The following VPS13B variants were observed in gnomAD, a reference collection of about 807,000 sequenced individuals.
VPS13B encodes intermembrane lipid transfer protein VPS13B.
A neutral mutation model predicts 426.4 loss-of-function variants in VPS13B; 285 were observed. That is an observed-to-expected ratio of 0.67 (90% confidence interval 0.61 to 0.74). The LOEUF (loss-of-function observed/expected upper bound fraction) is 0.74, where lower values mean the gene tolerates loss of function less well. Among genes scored for constraint, VPS13B ranks in the 30% least tolerant of loss-of-function variants. The pLI is 0.00. For missense variants in VPS13B, 4,537 were observed against 4,782.6 expected (o/e 0.95, Z 1.51); for synonymous variants, 1,676 against 1,676.4 (o/e 1.00, Z 0.01).
In VPS13B at chr8:99,750,295, C is replaced by A. The variant is rs372209450; in HGVS notation, c.7051-16479C>A. ...ATTTCTTGACCCTTCCTCCAGAAAG[C>A]CTTCCCCTGATGTCCCCTGTCTCCA... On this transcript the variant is annotated intron_variant, in intron 39 of 61. Transcript: ENST00000357162. Among the ~76,000 whole-genome samples the A allele has an allele frequency of 1.5e-4, 23 of 152,122 alleles. No homozygotes were observed. The East Asian group carries it at 1.7e-3, about 11-fold the overall frequency.
intron 47 of VPS13B, 95 bp downstream of exon 47, chr8:99,818,983 G>GGGGGGGGGGGGGGGGGGGGT: frequency 2.6e-6 from 1 of 384,876 alleles, no homozygotes; most frequent in Non-Finnish European, 5.3e-6. Context: ...GGAGGGGTGG[G>GGGGGGGGGGGGGGGGGGGGT]TAGGGAGATG....
chr8:99,671,195 G>T (rs1418428754), intron 35 of VPS13B, among the ~76,000 whole-genome samples: 1 of 152,038 alleles, frequency 6.6e-6, no homozygotes, highest in Non-Finnish European at 1.5e-5. Context: ...GAATGATGTG[G>T]TCTTTCATGA....
chr8:99,086,399 T>C (rs147654379), intron 3 of VPS13B, among the ~76,000 whole-genome samples: 2 of 152,308 alleles, frequency 1.3e-5, no homozygotes, highest in African/African-American at 4.8e-5. Flanking sequence ...GTGCCATTGG[T>C]TCGAACTTCC....
chr8:99,478,729 A>T (rs113256191), intron 24 of VPS13B, among the ~76,000 whole-genome samples: 7,470 of 151,682 alleles, frequency 0.049, 207 homozygotes, highest in African/African-American at 0.071. Context: ...GATTACAGGC[A>T]TGAGCCACCA....
At chr8:99,287,394 T>A (rs1055473484) in intron 19 of VPS13B, among the ~76,000 whole-genome samples, 5 of 152,008 alleles carry the variant, frequency 3.3e-5, no homozygotes, top group Admixed American at 3.3e-4. Context: ...ACATGAGAGT[T>A]TCCAAGCCTC....
Position 99,819,570 on chromosome 8 carries a change from A to G in VPS13B, c.8780A>G (p.Lys2927Arg). Residue 2927 changes from lysine (K) to arginine (R), a missense_variant, in exon 48 of 62, where the codon AAG becomes AGG. Lys to Arg is a conservative substitution (Grantham distance 26). Around this residue, in one of 2 missense-constraint regions of VPS13B, gnomAD observed 4,311 missense variants for 4,474.3 expected, o/e 0.96. Coordinates refer to ENST00000357162, the MANE Select transcript of VPS13B (RefSeq NM_152564.5). ...CAACCCATATGGCCCTATAATAAGA[A>G]GGATTCTGACAGGTAATATTCTTCA... is the stretch of plus-strand genomic sequence containing the variant. ...SLQPIWPYNK[K>R]DSDRNEQLSQ... is the part of the protein sequence containing the mutation. The G allele has an allele frequency of 6.2e-7, 1 of 1,613,680 alleles. No individual in the cohort carries two copies. The highest frequency in any genetic ancestry group is 1.7e-4 in the Middle Eastern group (1 of 6,054).
At chr8:99,502,051 C>G (rs1821275934) in intron 26 of VPS13B, among the ~76,000 whole-genome samples, 193 bp downstream of exon 26, 1 of 151,982 alleles carries the variant, frequency 6.6e-6, no homozygotes, top group African/African-American at 2.4e-5. Flanking sequence ...CTGGCGTGAC[C>G]TTGCCTCACT....
At chr8:99,496,398 T>TG (rs1820885973) in intron 25 of VPS13B, among the ~76,000 whole-genome samples, 2 of 152,188 alleles carry the variant, frequency 1.3e-5, no homozygotes, top group Admixed American at 1.3e-4. Flanking sequence ...ACGCCTGTAA[T>TG]CCCAGCACTT....
At chr8:99,241,707 AT>A (rs1179388619) in intron 17 of VPS13B, among the ~76,000 whole-genome samples, 1 of 152,086 alleles carries the variant, frequency 6.6e-6, no homozygotes, top group South Asian at 2.1e-4. Context: ...GAAAGAAGCA[AT>A]TTTTTTTGTT....
intron 36 of VPS13B, among the ~76,000 whole-genome samples, chr8:99,715,927 G>GT (rs1406638085): frequency 2.6e-5 from 4 of 152,000 alleles, no homozygotes; most frequent in Non-Finnish European, 4.4e-5. Context: ...AATAAAGATG[G>GT]TTTTTTATTT....
At chr8:99,134,559 T>G (rs1342195981) in intron 8 of VPS13B, 73 bp from the exon 9 acceptor site, 2 of 1,250,612 alleles carry the variant, frequency 1.6e-6, no homozygotes, top group African/African-American at 3.0e-5. Flanking sequence ...TTTTAATCAA[T>G]TAATCATCAT....
intron 17 of VPS13B, among the ~76,000 whole-genome samples, chr8:99,269,434 C>T (rs1210019744): frequency 1.3e-5 from 2 of 152,186 alleles, no homozygotes; most frequent in South Asian, 2.1e-4. Flanking sequence ...CCTTTTGACT[C>T]ATGTCAGCTT....
intron 44 of VPS13B, among the ~76,000 whole-genome samples, chr8:99,813,293 T>G (rs9297291): frequency 0.53 from 80,725 of 152,034 alleles, 23,150 homozygotes; most frequent in South Asian, 0.77. Flanking sequence ...CAAGAGGATC[T>G]TTGTCTTTAA....
rs568223545 is a variant in VPS13B, at chr8:99,430,525, T to C, written c.3083-1012T>C. On this transcript the variant is annotated intron_variant, in intron 21 of 61. Coordinates refer to ENST00000357162, the MANE Select transcript of VPS13B (RefSeq NM_152564.5). ...TAATACATTACTATAAATTACTCAA[T>C]TGTTTAAAATAATTCCTGAAATCTT... Among the ~76,000 whole-genome samples, 12 of 152,288 alleles carry C rather than the reference T, an allele frequency of 7.9e-5. No individual in the cohort carries two copies. The South Asian group carries it at 2.5e-3, about 32-fold the overall frequency.
At chr8:99,871,719 A>G in intron 61 of VPS13B, 22 bp downstream of exon 61, 1 of 1,612,542 alleles carries the variant, frequency 6.2e-7, no homozygotes, top group Non-Finnish European at 8.5e-7. Flanking sequence ...AAAACAGGGC[A>G]ACCAAGACTA....
intron 30 of VPS13B, among the ~76,000 whole-genome samples, chr8:99,544,635 TTAAA>T (rs771154127): frequency 3.3e-5 from 5 of 152,114 alleles, no homozygotes; most frequent in Non-Finnish European, 5.9e-5. Flanking sequence ...TTATGCAAAA[TTAAA>T]TAAGTAAAAT....
In VPS13B at chr8:99,145,786, G is replaced by T. The variant is rs188892270; in HGVS notation, c.1844-2055G>T. ...AAATAATGCTGCTCTGAACAGTTGT[G>T]TACTGGTTTTTGTGTAAACATTTCT... On this transcript the variant is annotated intron_variant, in intron 13 of 61. Coordinates refer to ENST00000357162, the MANE Select transcript of VPS13B (RefSeq NM_152564.5). Among the ~76,000 whole-genome samples, 6 of 152,314 alleles carry T rather than the reference G, an allele frequency of 3.9e-5. No individual in the cohort carries two copies. In the East Asian group the frequency reaches 9.6e-4, roughly 24 times the overall value.
intron 15 of VPS13B, among the ~76,000 whole-genome samples, chr8:99,162,822 C>A (rs901512446): frequency 1.3e-5 from 2 of 152,106 alleles, no homozygotes; most frequent in Non-Finnish European, 2.9e-5. Context: ...GGAACCCGAG[C>A]GGGTTGCCAA....
intron 31 of VPS13B, among the ~76,000 whole-genome samples, chr8:99,566,364 A>G (rs1174920054): frequency 1.3e-5 from 2 of 152,098 alleles, no homozygotes; most frequent in Admixed American, 1.3e-4. Flanking sequence ...AGATGGATGG[A>G]TAGATAATGC....
Sources: gnomAD v4.1 joint callset for allele counts (sites outside exome capture counted in the v4.1 genomes callset) on GRCh38, gnomAD v4.1.1 for gene constraint, gnomAD v4.1.1 regional missense constraint, MANE v1.5 for transcripts, NCBI Gene and HGNC (gene_info 2026-07-23, HGNC 2026-07-21) for gene names.